The following GMDS variants were observed in gnomAD, a reference collection of about 807,000 sequenced individuals.
GMDS encodes the protein GDP-mannose 4,6-dehydratase.
Under a neutral mutation model 49.9 loss-of-function variants are expected in GMDS, and 20 were observed. The observed-to-expected ratio is 0.40, with a 90% CI of 0.28 to 0.58. GMDS has a LOEUF of 0.58. Among genes scored for constraint, GMDS ranks in the 20% least tolerant of loss-of-function variants. The probability of loss-of-function intolerance (pLI) is 0.42; values close to 1 mark genes in which losing one functional copy is unlikely to be tolerated. For synonymous variants in GMDS, 177 were observed against 178.6 expected (o/e 0.99, Z 0.07); for missense variants, 362 against 481.4 (o/e 0.75, Z 2.32).
At chr6:1,846,080 CTTTTT>C (rs11298909) in intron 7 of GMDS, among the ~76,000 whole-genome samples, 1 of 121,650 alleles carries the variant, frequency 8.2e-6, no homozygotes, top group African/African-American at 3.1e-5. Context: ...CACCATGTTT[CTTTTT>C]TTTTTTTTTT....
intron 4 of GMDS, among the ~76,000 whole-genome samples, chr6:2,103,794 T>C (rs919050782): frequency 6.6e-6 from 1 of 152,250 alleles, no homozygotes; most frequent in Non-Finnish European, 1.5e-5. Flanking sequence ...ATATTAATTA[T>C]AATGATGACT....
intron 9 of GMDS, among the ~76,000 whole-genome samples, chr6:1,696,505 T>G (rs189818733): frequency 2.6e-5 from 4 of 152,362 alleles, no homozygotes; most frequent in Admixed American, 1.3e-4. Context: ...ACCTCTCTTT[T>G]GGAATAACAG....
intron 9 of GMDS, among the ~76,000 whole-genome samples, chr6:1,637,815 T>C (rs1199377285): frequency 6.6e-6 from 1 of 152,220 alleles, no homozygotes; most frequent in East Asian, 1.9e-4. Flanking sequence ...ACATGCCCCC[T>C]GTCCTTCAGC....
intron 1 of GMDS, among the ~76,000 whole-genome samples, chr6:2,155,490 A>T (rs1321351771): frequency 2.6e-5 from 4 of 152,176 alleles, no homozygotes; most frequent in Non-Finnish European, 5.9e-5. Context: ...CCTCTCTCAC[A>T]GTTCCTCCAT....
intron 9 of GMDS, among the ~76,000 whole-genome samples, chr6:1,651,074 G>A (rs1763639560): frequency 6.6e-6 from 1 of 152,222 alleles, no homozygotes; most frequent in Admixed American, 6.5e-5. Flanking sequence ...TGCATGGGAG[G>A]AAAATTAGGC....
chr6:1,726,592 A>G, intron 8 of GMDS, 80 bp from the exon 9 acceptor site: 1 of 989,520 alleles, frequency 1.0e-6, no homozygotes. Context: ...GGGATGCCCC[A>G]GCCCTCTCCC....
At chr6:1,938,406 T>A (rs529378390) in intron 6 of GMDS, among the ~76,000 whole-genome samples, 35 of 152,212 alleles carry the variant, frequency 2.3e-4, no homozygotes, top group Non-Finnish European at 4.9e-4. Flanking sequence ...AAAAATTAAC[T>A]AGCTCGTATT....
intron 7 of GMDS, among the ~76,000 whole-genome samples, chr6:1,745,520 A>C (rs1393606277): frequency 6.6e-6 from 1 of 152,134 alleles, no homozygotes; most frequent in Non-Finnish European, 1.5e-5. Flanking sequence ...GTCACTTTAA[A>C]CACCGGCCCG....
chr6:2,140,124 T>C (rs1160168222), intron 1 of GMDS, among the ~76,000 whole-genome samples: 1 of 152,162 alleles, frequency 6.6e-6, no homozygotes, highest in African/African-American at 2.4e-5. Flanking sequence ...AAAATCATCT[T>C]TGCAGATGTG....
At chr6:1,949,004 T>C (rs534851497) in intron 6 of GMDS, 46 of 838,568 alleles carry the variant, frequency 5.5e-5, no homozygotes, top group South Asian at 1.6e-4. Flanking sequence ...TGTCCTCTTA[T>C]GCCAGTAGCC....
chr6:1,735,205 G>C (rs1490895062), intron 8 of GMDS, among the ~76,000 whole-genome samples: 2 of 151,342 alleles, frequency 1.3e-5, no homozygotes, highest in African/African-American at 4.9e-5. Flanking sequence ...ATCTGCATCT[G>C]CACCTCTTTC....
At chr6:1,952,724 G>A (rs779907455) in intron 6 of GMDS, among the ~76,000 whole-genome samples, 16 of 152,168 alleles carry the variant, frequency 1.1e-4, no homozygotes, top group Non-Finnish European at 1.3e-4. Context: ...TCAGTTAGGC[G>A]TTAGGCAAAT....
chr6:1,968,231 C>G (rs535014995), intron 4 of GMDS, among the ~76,000 whole-genome samples: 1 of 152,246 alleles, frequency 6.6e-6, no homozygotes, highest in South Asian at 2.1e-4. Flanking sequence ...ATTGACTAGT[C>G]ATAATAATGA....
chr6:1,819,210 A>G (rs909548817), intron 7 of GMDS, among the ~76,000 whole-genome samples: 3 of 152,198 alleles, frequency 2.0e-5, no homozygotes, highest in African/African-American at 7.2e-5. Flanking sequence ...CACACCTAAG[A>G]AAAGCGGCAT....
In GMDS at chr6:1,833,700, C is replaced by A. The variant is rs1756786027; in HGVS notation, c.772-91114G>T. On this transcript the variant is annotated intron_variant, in intron 7 of 10. Coordinates refer to ENST00000380815, the MANE Select transcript of GMDS (RefSeq NM_001500.4). This position sits in a 1 kb window ranked among gnomAD's most constrained non-coding sequence, Gnocchi z 4.4. Reference sequence around the variant, plus strand: ...CTTCCAGCGAAGTTTAAAACTATAACCAAGGTTGTTTAAAAAACCATTTTC... The same window carrying A: ...CTTCCAGCGAAGTTTAAAACTATAAACAAGGTTGTTTAAAAAACCATTTTC... 6.6e-6 allele frequency among the ~76,000 whole-genome samples: 1 copy of A among 152,118 alleles called. No individual in the cohort carries two copies. Among genetic ancestry groups the A allele is most frequent in the South Asian group, 2.1e-4 (1 of 4,822 alleles).
chr6:1,702,252 C>T (rs769218649), intron 9 of GMDS, among the ~76,000 whole-genome samples: 7 of 152,278 alleles, frequency 4.6e-5, no homozygotes, highest in South Asian at 2.1e-4. Context: ...GAATTACAGA[C>T]GTTTAGAGTG....
At chr6:1,843,959 C>T (rs781407830) in intron 7 of GMDS, among the ~76,000 whole-genome samples, 20 of 152,130 alleles carry the variant, frequency 1.3e-4, no homozygotes, top group Admixed American at 5.9e-4. Context: ...GTCGGCTTGT[C>T]GGCAAGAGAC....
intron 1 of GMDS, among the ~76,000 whole-genome samples, chr6:2,244,569 G>T (rs1175016804): frequency 6.6e-6 from 1 of 152,074 alleles, no homozygotes; most frequent in Non-Finnish European, 1.5e-5. Context: ...TCTAAGAGGC[G>T]ACCCTCACAA....
chr6:1,754,183 T>C (rs1358632798), intron 7 of GMDS, among the ~76,000 whole-genome samples: 1 of 152,006 alleles, frequency 6.6e-6, no homozygotes, highest in Non-Finnish European at 1.5e-5. Flanking sequence ...ATAGACACAA[T>C]ATAAAATGAT....
Sources: allele counts gnomAD v4.1 joint callset (sites outside exome capture counted in the v4.1 genomes callset), GRCh38; gene constraint gnomAD v4.1.1; non-coding constraint Gnocchi (gnomAD v3.1); transcripts MANE v1.5; gene names NCBI Gene and HGNC (gene_info 2026-07-23, HGNC 2026-07-21).